Variants in EDARADD observed in about 807,000 individuals in gnomAD.
EDARADD encodes EDAR associated via death domain.
A neutral mutation model predicts 25.6 loss-of-function variants in EDARADD; 20 were observed. The ratio of observed to expected loss-of-function variants is 0.78; its 90% CI spans 0.55 to 1.14. The LOEUF (loss-of-function observed/expected upper bound fraction) is 1.14, where lower values mean the gene tolerates loss of function less well. Among genes scored for constraint, EDARADD ranks in the 50% most tolerant of loss-of-function variants. EDARADD has a pLI of 0.00. For missense variants in EDARADD, 225 were observed against 270.1 expected (o/e 0.83, Z 1.17); for synonymous variants, 86 against 94.4 (o/e 0.91, Z 0.52).
chr1:236,350,527 G>A (rs1349934595), intron 2 of EDARADD, among the ~76,000 whole-genome samples: 1 of 152,136 alleles, frequency 6.6e-6, no homozygotes, highest in Non-Finnish European at 1.5e-5. Context: ...CTCCCGCCTC[G>A]GCCTCCCAAA....
chr1:236,480,119 A>ATATATATATC (rs1358090266), intron 5 of EDARADD, among the ~76,000 whole-genome samples: 3 of 89,202 alleles, frequency 3.4e-5, no homozygotes, highest in African/African-American at 1.1e-4. Context: ...ATATATATAT[A>ATATATATATC]TATATATATA....
chr1:236,475,916 C>T (rs923162817), intron 5 of EDARADD, among the ~76,000 whole-genome samples: 4 of 152,010 alleles, frequency 2.6e-5, no homozygotes, highest in African/African-American at 9.7e-5. Flanking sequence ...ACAGGCCGGG[C>T]GCGGTGGCTC....
At chr1:236,450,548 C>G (rs904076967) in intron 4 of EDARADD, among the ~76,000 whole-genome samples, 1 of 142,704 alleles carries the variant, frequency 7.0e-6, no homozygotes, top group Non-Finnish European at 1.5e-5. Flanking sequence ...TCCCCCCAAC[C>G]CCCCCTTTTT....
intron 3 of EDARADD, among the ~76,000 whole-genome samples, chr1:236,367,084 C>CAA (rs753983803): frequency 1.5e-4 from 9 of 61,922 alleles, no homozygotes; most frequent in Admixed American, 2.1e-4. Context: ...ACTCCATCGC[C>CAA]AAAAAAAAAA....
intron 3 of EDARADD, among the ~76,000 whole-genome samples, chr1:236,369,163 A>G (rs912003231): frequency 2.0e-5 from 3 of 152,152 alleles, no homozygotes; most frequent in Admixed American, 1.3e-4. Context: ...TTCTTCTTCA[A>G]TATTGAATTG....
At chr1:236,403,716 G>A (rs970360006) in intron 1 of EDARADD, among the ~76,000 whole-genome samples, 1 of 152,154 alleles carries the variant, frequency 6.6e-6, no homozygotes, top group South Asian at 2.1e-4. Context: ...TTCACCTCCT[G>A]AGATTTAAGT....
At chr1:236,458,645 T>TC (rs1164226885) in intron 4 of EDARADD, among the ~76,000 whole-genome samples, 8 of 144,600 alleles carry the variant, frequency 5.5e-5, no homozygotes, top group African/African-American at 7.8e-5. Context: ...CTTTTTCTTT[T>TC]TTTTTTTTTT....
chr1:236,387,217 C>T (rs1429660859), intron 3 of EDARADD, among the ~76,000 whole-genome samples: 4 of 69,944 alleles, frequency 5.7e-5, no homozygotes, highest in East Asian at 6.3e-4. Flanking sequence ...CCCCCCCGCC[C>T]GGCCAGCCGC....
At chr1:236,405,822 T>TTTCCTCCCTTCCTTCC (rs1667711908) in intron 1 of EDARADD, among the ~76,000 whole-genome samples, 1 of 55,478 alleles carries the variant, frequency 1.8e-5, no homozygotes, top group Non-Finnish European at 3.4e-5. Context: ...CCTTCCTTCC[T>TTTCCTCCCTTCCTTCC]TTCCTTCCTT....
At chr1:236,469,786 T>C (rs1396000549) in intron 5 of EDARADD, among the ~76,000 whole-genome samples, 1 of 152,090 alleles carries the variant, frequency 6.6e-6, no homozygotes, top group Non-Finnish European at 1.5e-5. Context: ...GATTTTTTTT[T>C]CATTCCATAG....
chr1:236,364,991 C>T (rs1640143350), intron 3 of EDARADD, among the ~76,000 whole-genome samples: 1 of 152,068 alleles, frequency 6.6e-6, no homozygotes, highest in South Asian at 2.1e-4. Flanking sequence ...TCATTTTTCA[C>T]CACTGAGTAT....
At chr1:236,469,290 A>G (rs1389252604) in intron 5 of EDARADD, among the ~76,000 whole-genome samples, 1 of 152,136 alleles carries the variant, frequency 6.6e-6, no homozygotes, top group African/African-American at 2.4e-5. Flanking sequence ...CATGGCCAAC[A>G]TGGCAAAACT....
intron 4 of EDARADD, among the ~76,000 whole-genome samples, chr1:236,465,472 C>T (rs924943115): frequency 6.6e-6 from 1 of 152,306 alleles, no homozygotes; most frequent in South Asian, 2.1e-4. Flanking sequence ...GCTCCTTCCT[C>T]CCAAGTCCCC....
chr1:236,409,365 A>G (rs755953068), intron 2 of EDARADD, 91 bp downstream of exon 2: 17 of 1,033,892 alleles, frequency 1.6e-5, no homozygotes, highest in Non-Finnish European at 2.5e-5. Flanking sequence ...CAGTATTTAC[A>G]TGTGCATCAG....
chr1:236,457,774 G>A (rs1396524031), intron 4 of EDARADD, among the ~76,000 whole-genome samples: 4 of 146,092 alleles, frequency 2.7e-5, no homozygotes, highest in East Asian at 2.0e-4. Flanking sequence ...AGCCAAGATC[G>A]CACCACTGCA....
At chr1:236,456,834 G>GC (rs1207604465) in intron 4 of EDARADD, among the ~76,000 whole-genome samples, 1 of 151,402 alleles carries the variant, frequency 6.6e-6, no homozygotes, top group Non-Finnish European at 1.5e-5. Context: ...CGGCCCTGCA[G>GC]CCGTCCTGTG....
At chr1:236,371,716 C>A (rs1341961412) in intron 3 of EDARADD, among the ~76,000 whole-genome samples, 1 of 151,426 alleles carries the variant, frequency 6.6e-6, no homozygotes, top group Non-Finnish European at 1.5e-5. Flanking sequence ...ATTACAGGAG[C>A]CTGCCACCAT....
Position 236,417,082 on chromosome 1 carries a change from C to G in EDARADD, c.160+2783C>G, listed in dbSNP as rs952275211. ...TGAGGCATGAACTTCCTGGGCTACA[C>G]CCCAGCCTGGGTAACAGAATGAGAC... On this transcript the variant is annotated intron_variant, in intron 3 of 5. Transcript: ENST00000334232. Among the ~76,000 whole-genome samples the G allele has an allele frequency of 2.2e-4, 33 of 151,778 alleles. 1 individual carries two copies. Among genetic ancestry groups the G allele is most frequent in the Non-Finnish European group, 2.9e-5 (2 of 67,980 alleles).
intron 3 of EDARADD, among the ~76,000 whole-genome samples, chr1:236,369,563 C>T (rs190084439): frequency 2.0e-4 from 30 of 152,182 alleles, no homozygotes; most frequent in African/African-American, 7.2e-4. Context: ...ATACATCGGC[C>T]AGGTGCGGTG....
Sources: gnomAD v4.1 joint callset for allele counts (sites outside exome capture counted in the v4.1 genomes callset) on GRCh38, gnomAD v4.1.1 for gene constraint, MANE v1.5 for transcripts, NCBI Gene and HGNC (gene_info 2026-07-23, HGNC 2026-07-21) for gene names.